The following PEX26 variants were observed in gnomAD, a reference collection of about 807,000 sequenced individuals.
PEX26 encodes peroxisomal biogenesis factor 26.
PEX26 carries 18 observed loss-of-function variants against 31.4 expected under a neutral mutation model. That is an observed-to-expected ratio of 0.57 (90% confidence interval 0.40 to 0.85). The LOEUF (loss-of-function observed/expected upper bound fraction) is 0.85. Ranked by LOEUF, PEX26 falls within the 40% of genes least tolerant of loss-of-function variation. The pLI is 0.00. For synonymous variants in PEX26, 176 were observed against 166.9 expected (o/e 1.05, Z -0.42); for missense variants, 377 against 383.9 (o/e 0.98, Z 0.15).
chr22:18,088,566 G>T lies in PEX26; in HGVS notation c.*491G>T. The T allele has an allele frequency of 4.1e-6, 1 of 241,094 alleles. No homozygotes were observed. Among genetic ancestry groups the T allele is most frequent in the Non-Finnish European group, 8.3e-6 (1 of 119,878 alleles). The allele number at this position is 241,094 out of a possible 1,614,324, so 14.9% of individuals were successfully genotyped here. ...GGGTGAGGTGGGTGGATCACTTGTG[G>T]CCAGGAGTTCAAAACCTGCCTGGCC... On this transcript the variant is annotated 3_prime_UTR_variant, in exon 5 of 5. Coordinates refer to ENST00000399744, the MANE Select transcript of PEX26 (RefSeq NM_001127649.3). The surrounding 1 kb of genome is among the most constrained non-coding windows in gnomAD (Gnocchi z 4.1).
intron 3 of PEX26, 61 bp downstream of exon 3, chr22:18,083,793 G>A (rs1602463263): frequency 2.0e-5 from 31 of 1,516,868 alleles, no homozygotes; most frequent in Non-Finnish European, 2.5e-5. Context: ...ACTGTACCTC[G>A]GGGTCTGTCG....
intron 3 of PEX26, among the ~76,000 whole-genome samples, chr22:18,084,723 C>CT (rs762094985): frequency 0.019 from 2,591 of 139,288 alleles, 51 homozygotes; most frequent in African/African-American, 0.056. Context: ...TTACTAAACT[C>CT]TTTTTTTTTT....
intron 1 of PEX26, 41 bp from the exon 2 acceptor site, chr22:18,079,833 G>A (rs1926474916): frequency 2.5e-6 from 4 of 1,613,236 alleles, no homozygotes; most frequent in Non-Finnish European, 3.4e-6. Flanking sequence ...TGGAAATGGA[G>A]GGGAACCACT....
At chr22:18,085,041 G>A (rs1016492109) in intron 3 of PEX26, 71 bp from the exon 4 acceptor site, 2 of 1,565,434 alleles carry the variant, frequency 1.3e-6, no homozygotes, top group African/African-American at 2.7e-5. Context: ...TTAGAAGCAA[G>A]CACAGAGGTC....
chr22:18,080,394 G>A (rs1926516457), intron 2 of PEX26, among the ~76,000 whole-genome samples: 1 of 152,198 alleles, frequency 6.6e-6, no homozygotes, highest in African/African-American at 2.4e-5. Context: ...CAGTGGCACA[G>A]TCTCTGCTCA....
In PEX26 at chr22:18,095,614, G is replaced by A. The variant is rs1927266603; in HGVS notation, c.*7539G>A. ...TGTTCCTGGATTTCATGGTCTCCAT[G>A]GTGACAAGTGCTTGTTTTCAGAGGT... On this transcript the variant is annotated 3_prime_UTR_variant, in exon 5 of 5. Transcript: ENST00000399744. The A allele has an allele frequency of 6.6e-6, 1 of 151,994 alleles. No homozygotes were observed. 9.4% of individuals were successfully genotyped at this position (151,994 alleles called of 1,614,324 possible).
rs934533186 is a variant in PEX26, at chr22:18,097,144, C to T, written c.*9069C>T. The T allele has an allele frequency of 2.0e-5, 3 of 152,188 alleles. No homozygotes were observed. The highest frequency in any genetic ancestry group is 4.4e-5 in the Non-Finnish European group (3 of 68,058). 9.4% of individuals were successfully genotyped at this position (152,188 alleles called of 1,614,324 possible). ...ACCTCCCACCAGGTCCCTCCTCCGACGTGGGGATTACAGTTTGAGATGAGA... is the reference window on the plus strand; with the variant it reads ...ACCTCCCACCAGGTCCCTCCTCCGATGTGGGGATTACAGTTTGAGATGAGA... On this transcript the variant is annotated 3_prime_UTR_variant, in exon 5 of 5. Transcript: ENST00000399744.
chr22:18,078,698 CA>C (rs1487639761), intron 1 of PEX26, 92 bp downstream of exon 1: 1 of 1,176,970 alleles, frequency 8.5e-7, no homozygotes, highest in Non-Finnish European at 1.2e-6. Context: ...AGATTGCCCA[CA>C]AGGAGCTTTA....
rs534469695 is a variant in PEX26 at position 18,094,672 on chromosome 22, A to G, written c.*6597A>G. ...TATTTTCCAAATGCGGTAGAGGGCC[A>G]TCCCTTCTTTGGCTTCTTGCCTTGT... is the stretch of plus-strand genomic sequence containing the variant. On this transcript the variant is annotated 3_prime_UTR_variant, in exon 5 of 5. Coordinates refer to ENST00000399744, the MANE Select transcript of PEX26 (RefSeq NM_001127649.3). The G allele has an allele frequency of 1.1e-4, 17 of 152,236 alleles. No homozygotes were observed. Among genetic ancestry groups the G allele is most frequent in the African/African-American group, 4.1e-4 (17 of 41,530 alleles). 9.4% of individuals were successfully genotyped at this position (152,236 alleles called of 1,614,324 possible).
Position 18,100,725 on chromosome 22 carries a change from T to C in PEX26, c.*12650T>C, listed in dbSNP as rs954113092. The C allele has an allele frequency of 6.6e-6, 1 of 152,292 alleles. No individual in the cohort carries two copies. Among genetic ancestry groups the C allele is most frequent in the Admixed American group, 6.5e-5 (1 of 15,294 alleles). The allele number at this position is 152,292 out of a possible 1,614,324, so 9.4% of individuals were successfully genotyped here. A position where few individuals can be genotyped will look rare whatever the true frequency, so the allele number is the denominator to read the frequency against. ...TTCAAAGCAGGTAGATGACCAGCGA[T>C]GCTGTTTACTACATCCTACGCATGC... On this transcript the variant is annotated 3_prime_UTR_variant, in exon 5 of 5. Coordinates refer to ENST00000399744, the MANE Select transcript of PEX26 (RefSeq NM_001127649.3).
chr22:18,078,770 T>C (rs766463468), intron 1 of PEX26, 164 bp downstream of exon 1: 26 of 737,670 alleles, frequency 3.5e-5, no homozygotes, highest in African/African-American at 3.3e-4. Context: ...GTGCCCATTC[T>C]ACAGAGAAGG....
chr22:18,086,135 T>C lies in PEX26; in HGVS notation c.814+877T>C, dbSNP rs529768879. On this transcript the variant is annotated intron_variant, in intron 4 of 4. Transcript: ENST00000399744. ...CAATATGGTGAAACCCCGTCTCTAC[T>C]AAAAATACAAAAATTAGCCAGGTGT... Among the ~76,000 whole-genome samples, 5 of 151,464 alleles carry C rather than the reference T, an allele frequency of 3.3e-5. No homozygotes were observed. The South Asian group carries it at 1.0e-3, about 32-fold the overall frequency.
At position 18,092,941 on chromosome 22, in the gene PEX26, A is replaced by C. The variant is rs1338498058; in HGVS notation, c.*4866A>C. The C allele has an allele frequency of 6.6e-6, 1 of 152,098 alleles. No homozygotes were observed. Among genetic ancestry groups the C allele is most frequent in the Non-Finnish European group, 1.5e-5 (1 of 68,022 alleles). 9.4% of individuals were successfully genotyped at this position (152,098 alleles called of 1,614,324 possible). ...AAGAATAACTTGCTTCATATGTCCCAAAAAGAGAAAAAAATAAACGGGACA... is the reference window on the plus strand; with the variant it reads ...AAGAATAACTTGCTTCATATGTCCCCAAAAGAGAAAAAAATAAACGGGACA... On this transcript the variant is annotated 3_prime_UTR_variant, in exon 5 of 5. Transcript: ENST00000399744.
intron 1 of PEX26, 43 bp from the exon 2 acceptor site, chr22:18,079,831 G>C (rs757110435): frequency 1.2e-6 from 2 of 1,613,046 alleles, no homozygotes; most frequent in South Asian, 2.2e-5. Context: ...AATGGAAATG[G>C]AGGGGAACCA....
rs1380450019 is a variant in PEX26, at chr22:18,088,323, G to A, written c.*248G>A. The A allele has an allele frequency of 1.6e-6, 1 of 627,066 alleles. No homozygotes were observed. Among genetic ancestry groups the A allele is most frequent in the Non-Finnish European group, 2.9e-6 (1 of 339,118 alleles). The allele number at this position is 627,066 out of a possible 1,614,324, so 38.8% of individuals were successfully genotyped here. On this transcript the variant is annotated 3_prime_UTR_variant, in exon 5 of 5. Coordinates refer to ENST00000399744, the MANE Select transcript of PEX26 (RefSeq NM_001127649.3). This position sits in a 1 kb window ranked among gnomAD's most constrained non-coding sequence, Gnocchi z 4.1. ...CAGAACAGTGCCCCGGATGACCAGA[G>A]GCCCCTTGAAAAGGAGGGGTTTGGG...
chr22:18,083,849 T>G (rs1012588965), intron 3 of PEX26, 117 bp downstream of exon 3: 1 of 939,428 alleles, frequency 1.1e-6, no homozygotes, highest in African/African-American at 1.6e-5. Flanking sequence ...TGAATAACTC[T>G]TGAGTCACAG....
rs1252768210 is a variant in PEX26 at position 18,103,943 on chromosome 22, T to C, written c.*15868T>C. On this transcript the variant is annotated 3_prime_UTR_variant, in exon 5 of 5. Coordinates refer to ENST00000399744, the MANE Select transcript of PEX26 (RefSeq NM_001127649.3). ...TTTCTCTTGGGCTGGTTTTTGAAAG[T>C]GGATCTACAACATTGATAGAGATCA... 1 of 152,164 alleles carries C rather than the reference T, an allele frequency of 6.6e-6. No individual in the cohort carries two copies. Among genetic ancestry groups the C allele is most frequent in the African/African-American group, 2.4e-5 (1 of 41,398 alleles). 9.4% of individuals were successfully genotyped at this position (152,164 alleles called of 1,614,324 possible).
intron 4 of PEX26, among the ~76,000 whole-genome samples, chr22:18,087,453 G>T (rs534363208): frequency 2.0e-5 from 3 of 152,220 alleles, no homozygotes; most frequent in African/African-American, 7.2e-5. Context: ...CCCTGTGGAC[G>T]ACTCTGTTTG....
intron 4 of PEX26, among the ~76,000 whole-genome samples, chr22:18,087,453 G>A (rs534363208): frequency 2.6e-4 from 40 of 152,338 alleles, no homozygotes; most frequent in African/African-American, 9.1e-4. Flanking sequence ...CCCTGTGGAC[G>A]ACTCTGTTTG....
Sources: allele counts gnomAD v4.1 joint callset (sites outside exome capture counted in the v4.1 genomes callset), GRCh38; gene constraint gnomAD v4.1.1; non-coding constraint Gnocchi (gnomAD v3.1); transcripts MANE v1.5; gene names NCBI Gene and HGNC (gene_info 2026-07-23, HGNC 2026-07-21).